Variants in SSBP2 observed in about 807,000 individuals in gnomAD.
SSBP2 encodes single-stranded DNA-binding protein 2.
A neutral mutation model predicts 61.8 loss-of-function variants in SSBP2; 17 were observed. The observed-to-expected ratio is 0.28, with a 90% CI of 0.19 to 0.41. The LOEUF is 0.41. Ranked by LOEUF, SSBP2 falls within the 10% of genes least tolerant of loss-of-function variation. The pLI is 1.00. For missense variants in SSBP2, 310 were observed against 458.7 expected, an observed-to-expected ratio of 0.68 and a Z score of 2.96; for synonymous variants, 139 against 141.3, an observed-to-expected ratio of 0.98 and a Z score of 0.12.
chr5:81,446,801 C>G lies in SSBP2; in HGVS notation c.778+67G>C, dbSNP rs1763429666. 75 of 1,489,400 alleles carry G rather than the reference C, an allele frequency of 5.0e-5. 1 individual carries two copies. The South Asian group carries it at 9.2e-4, about 18-fold the overall frequency. 92.3% of individuals were successfully genotyped at this position (1,489,400 alleles called of 1,614,324 possible). On this transcript the variant is annotated intron_variant, in intron 12 of 16. Transcript: ENST00000320672. Reference sequence around the variant, plus strand: ...AATACTACTAACTTTATTTCATGAACAATTTCTATATTCTGTGATTTTATT... The same window carrying G: ...AATACTACTAACTTTATTTCATGAAGAATTTCTATATTCTGTGATTTTATT...
At chr5:81,466,553 A>G (rs1764903638) in intron 9 of SSBP2, among the ~76,000 whole-genome samples, 1 of 152,016 alleles carries the variant, frequency 6.6e-6, no homozygotes, top group Admixed American at 6.6e-5. Context: ...TAGAATCACT[A>G]TGTATCTGTT....
At chr5:81,603,123 C>T (rs759369541) in intron 4 of SSBP2, among the ~76,000 whole-genome samples, 13 of 152,166 alleles carry the variant, frequency 8.5e-5, no homozygotes, top group Non-Finnish European at 1.3e-4. Context: ...TTTTATTATG[C>T]TCATGGGTTC....
intron 1 of SSBP2, among the ~76,000 whole-genome samples, chr5:81,716,949 G>T (rs959243952): frequency 1.3e-5 from 2 of 152,094 alleles, no homozygotes; most frequent in African/African-American, 4.8e-5. Flanking sequence ...GAAATACATG[G>T]CCTGAACTTC....
intron 16 of SSBP2, among the ~76,000 whole-genome samples, chr5:81,423,089 T>C (rs1761711911): frequency 6.6e-6 from 1 of 152,156 alleles, no homozygotes; most frequent in South Asian, 2.1e-4. Context: ...GTAGAAAAAA[T>C]CAGAGAATAT....
chr5:81,617,934 A>G (rs1295482374), intron 3 of SSBP2, among the ~76,000 whole-genome samples: 4 of 137,662 alleles, frequency 2.9e-5, no homozygotes, highest in African/African-American at 1.1e-4. Context: ...GCCTGCCCTA[A>G]AAGAGCTCCT....
intron 4 of SSBP2, among the ~76,000 whole-genome samples, chr5:81,543,011 T>A (rs188792709): frequency 2.0e-5 from 3 of 151,944 alleles, no homozygotes; most frequent in South Asian, 4.1e-4. Flanking sequence ...TGTGCCACCA[T>A]GCCCATTTAA....
At chr5:81,600,598 A>G (rs1744268100) in intron 4 of SSBP2, among the ~76,000 whole-genome samples, 1 of 151,466 alleles carries the variant, frequency 6.6e-6, no homozygotes, top group African/African-American at 2.4e-5. Flanking sequence ...CAGAAAGAAA[A>G]GAAAATTCAT....
At chr5:81,544,522 G>A (rs1332871805) in intron 4 of SSBP2, among the ~76,000 whole-genome samples, 12 of 152,114 alleles carry the variant, frequency 7.9e-5, no homozygotes, top group Admixed American at 7.9e-4. Context: ...TACATTCTTT[G>A]GAGAAATAGT....
intron 4 of SSBP2, among the ~76,000 whole-genome samples, chr5:81,575,240 C>T (rs1189698332): frequency 2.0e-5 from 3 of 152,112 alleles, no homozygotes; most frequent in African/African-American, 4.8e-5. Flanking sequence ...TGCACTCCAG[C>T]CTGGGTGACA....
At chr5:81,526,545 A>G (rs1296059418) in intron 4 of SSBP2, among the ~76,000 whole-genome samples, 1 of 152,024 alleles carries the variant, frequency 6.6e-6, no homozygotes, top group South Asian at 2.1e-4. Context: ...TTTGAAGTAA[A>G]AAATTTAAAT....
intron 4 of SSBP2, among the ~76,000 whole-genome samples, chr5:81,598,250 A>G (rs1743988954): frequency 6.6e-6 from 1 of 152,096 alleles, no homozygotes; most frequent in Non-Finnish European, 1.5e-5. Flanking sequence ...TTACATACAG[A>G]GGAACAATGA....
chr5:81,608,650 G>A (rs1581156631), intron 4 of SSBP2, among the ~76,000 whole-genome samples: 1 of 152,032 alleles, frequency 6.6e-6, no homozygotes, highest in African/African-American at 2.4e-5. Context: ...AAAATAAGCA[G>A]TTTTCAAACT....
intron 1 of SSBP2, among the ~76,000 whole-genome samples, chr5:81,652,166 A>G (rs1190624134): frequency 6.6e-6 from 1 of 152,186 alleles, no homozygotes; most frequent in Admixed American, 6.5e-5. Flanking sequence ...CAGGCCTGGT[A>G]TGGAGAGAAC....
intron 4 of SSBP2, among the ~76,000 whole-genome samples, chr5:81,551,096 G>GAAAAA (rs35816072): frequency 8.7e-5 from 7 of 80,216 alleles, no homozygotes; most frequent in South Asian, 4.7e-4. Context: ...ACTCCATCTC[G>GAAAAA]AAAAAAAAAA....
In SSBP2 at chr5:81,446,927, A is replaced by G; in HGVS notation, c.724-5T>C. ...CCCTCCACCTCCTGGAGGACCCTAA[A>G]TAATTATACAAAATTTCAGTAAAAA... On this transcript the variant is annotated splice_region_variant and splice_polypyrimidine_tract_variant and intron_variant, in intron 11 of 16. Transcript: ENST00000320672. 6.3e-7 allele frequency: 1 copy of G among 1,590,530 alleles called. No individual in the cohort carries two copies. The highest frequency in any genetic ancestry group is 1.4e-5 in the African/African-American group (1 of 73,990).
At position 81,595,984 on chromosome 5, in the gene SSBP2, T is replaced by C. The variant is rs181115219; in HGVS notation, c.282+19489A>G. Among the ~76,000 whole-genome samples the C allele has an allele frequency of 5.9e-3, 892 of 151,972 alleles. 3 individuals carry two copies. The highest frequency in any genetic ancestry group is 0.016 in the African/African-American group (677 of 41,502). On this transcript the variant is annotated intron_variant, in intron 4 of 16. Coordinates refer to ENST00000320672, the MANE Select transcript of SSBP2 (RefSeq NM_012446.5). The stretch of plus-strand genomic sequence containing the variant: ...CCTCTCTCACCACTCCTATTCAACA[T>C]AGTGTTGGATAGGCAGGAGAAGGAA...
chr5:81,587,089 T>TC (rs1775113405), intron 4 of SSBP2, among the ~76,000 whole-genome samples: 1 of 152,184 alleles, frequency 6.6e-6, no homozygotes, highest in Non-Finnish European at 1.5e-5. Flanking sequence ...TCCCCTTTGT[T>TC]CTTTTTTTTG....
At chr5:81,532,073 G>C (rs550923122) in intron 4 of SSBP2, among the ~76,000 whole-genome samples, 48 of 152,062 alleles carry the variant, frequency 3.2e-4, no homozygotes, top group Non-Finnish European at 6.3e-4. Context: ...TGCATGAAAA[G>C]TTATCAACTG....
intron 4 of SSBP2, among the ~76,000 whole-genome samples, chr5:81,592,708 G>A (rs538605149): frequency 3.3e-5 from 5 of 152,310 alleles, no homozygotes; most frequent in Admixed American, 6.5e-5. Context: ...TGCAGCCACC[G>A]CTGCTGGTAC....
Sources: gnomAD v4.1 joint callset for allele counts (sites outside exome capture counted in the v4.1 genomes callset) on GRCh38, gnomAD v4.1.1 for gene constraint, MANE v1.5 for transcripts, NCBI Gene and HGNC (gene_info 2026-07-23, HGNC 2026-07-21) for gene names.